PTRH1: variants seen among roughly 807,000 people sequenced by gnomAD.
PTRH1 encodes the protein peptidyl-tRNA hydrolase.
In PTRH1, 13 loss-of-function variants were observed where a neutral mutation model predicts 15.7. The observed-to-expected ratio is 0.83, with a 90% CI of 0.54 to 1.31. The LOEUF (loss-of-function observed/expected upper bound fraction) is 1.31, where lower values mean the gene tolerates loss of function less well. Ranked by LOEUF, PTRH1 falls within the 40% of genes most tolerant of loss-of-function variation. The probability of loss-of-function intolerance (pLI) is 0.00; values close to 1 mark genes in which losing one functional copy is unlikely to be tolerated. For synonymous variants in PTRH1, 139 were observed against 136.7 expected (o/e 1.02, Z -0.12); for missense variants, 319 against 296.2 (o/e 1.08, Z -0.56).
In PTRH1 at chr9:127,707,134, A is replaced by G. The variant is rs1178511599; in HGVS notation, c.205+8301T>C. On this transcript the variant is annotated intron_variant, in intron 1 of 2. Coordinates refer to the PTRH1 transcript ENST00000335223. Reference sequence around the variant, plus strand: ...GGTGGCCGTGGAGCCGCCTCTGGCCAAGGAGATGAAGGAGTTCTACCACAT... The same window carrying G: ...GGTGGCCGTGGAGCCGCCTCTGGCCGAGGAGATGAAGGAGTTCTACCACAT... 9 of 1,613,662 alleles carry G rather than the reference A, an allele frequency of 5.6e-6. No individual in the cohort carries two copies. In the Admixed American group the frequency reaches 1.5e-4, roughly 27 times the overall value.
intron 1 of PTRH1, among the ~76,000 whole-genome samples, chr9:127,696,401 C>T (rs941236362): frequency 2.6e-5 from 4 of 152,212 alleles, no homozygotes; most frequent in African/African-American, 9.6e-5. Flanking sequence ...CTTGCTGAAT[C>T]TTCTCAACAA....
rs1214988748 is a variant in PTRH1 at position 127,715,142 on chromosome 9, A to G, written c.149T>C (p.Met50Thr). The change falls in exon 2 of 5, where the codon ATG (methionine) becomes ACG (threonine). Residue 50 changes from methionine (M) to threonine (T), a missense_variant. By Grantham distance (81) the Met-to-Thr change is moderately conservative. Transcript: ENST00000543175. This position sits in a 1 kb window ranked among gnomAD's most constrained non-coding sequence, Gnocchi z 5.8. ...CCGCGCCAGCTGCCCCAGCACCGCC[A>G]TGCCCACGCTGTGTCGCGTGCCGGG... ...GLPGTRHSVG[M>T]AVLGQLARRL... 1 of 1,537,712 alleles carries G rather than the reference A, an allele frequency of 6.5e-7. No individual in the cohort carries two copies. Among genetic ancestry groups the G allele is most frequent in the Admixed American group, 1.9e-5 (1 of 51,798 alleles).
Position 127,715,480 on chromosome 9 carries a change from G to A in PTRH1, c.96+64C>T. ...CAATTTGGGGGCACTCGGCTCCCGG[G>A]ACATAATGGCCGAACTGAAGCTAGG... On this transcript the variant is annotated intron_variant, in intron 1 of 4. Transcript: ENST00000543175. This position sits in a 1 kb window ranked among gnomAD's most constrained non-coding sequence, Gnocchi z 5.8. 1.9e-6 allele frequency: 3 copies of A among 1,607,354 alleles called. No individual in the cohort carries two copies. The highest frequency in any genetic ancestry group is 2.6e-6 in the Non-Finnish European group (3 of 1,176,126).
At chr9:127,710,741 C>G, downstream of PTRH1, 1 of 1,566,518 alleles carries the variant, frequency 6.4e-7, no homozygotes, top group Non-Finnish European at 8.7e-7. Flanking sequence ...GAAGTCGGTG[C>G]TGGACAAGGA....
rs370600743 is a variant in PTRH1, at chr9:127,707,738, C to T, written c.205+7697G>A. Reference sequence around the variant, plus strand: ...TGTGACATAGTGCTGGGGGGAGATCCTCTAACTCTTCATTCAGAGCCATGT... The same window carrying T: ...TGTGACATAGTGCTGGGGGGAGATCTTCTAACTCTTCATTCAGAGCCATGT... On this transcript the variant is annotated intron_variant, in intron 1 of 2. Transcript: ENST00000335223. Among the ~76,000 whole-genome samples the T allele has an allele frequency of 1.6e-4, 25 of 152,194 alleles. No homozygotes were observed. The East Asian group carries it at 1.7e-3, about 11-fold the overall frequency.
At chr9:127,707,649 A>G (rs193046255) in intron 1 of PTRH1, among the ~76,000 whole-genome samples, 12 of 152,254 alleles carry the variant, frequency 7.9e-5, no homozygotes, top group African/African-American at 2.6e-4. Flanking sequence ...TTCCCCAAAT[A>G]TAAGTGGGGA....
At chr9:127,714,775 G>T in intron 2 of PTRH1, 73 bp from the exon 3 acceptor site, 1 of 1,301,718 alleles carries the variant, frequency 7.7e-7, no homozygotes, top group Non-Finnish European at 1.1e-6. Context: ...CTCCCATGAT[G>T]AGGGACCACA....
At chr9:127,699,517 A>G (rs1324546227) in intron 1 of PTRH1, among the ~76,000 whole-genome samples, 2 of 151,960 alleles carry the variant, frequency 1.3e-5, no homozygotes, top group African/African-American at 4.8e-5. Flanking sequence ...CTGGAGTAAG[A>G]CGGTTGCTGA....
chr9:127,699,436 C>A (rs1842587514), intron 1 of PTRH1, among the ~76,000 whole-genome samples: 1 of 152,212 alleles, frequency 6.6e-6, no homozygotes. Flanking sequence ...GCCGGGCTTC[C>A]GGGGCTAGTA....
downstream of PTRH1, chr9:127,711,422 A>G: frequency 6.2e-7 from 1 of 1,614,164 alleles, no homozygotes; most frequent in Non-Finnish European, 8.5e-7. Context: ...AAGACAGAAC[A>G]ATCTGTGCAA....
rs749869899 is a variant in PTRH1, at chr9:127,714,612, C to A, written c.407G>T (p.Gly136Val). ...PLGRLALKLG[G>V]SARGHNGVRS... ...CATCTCAGGACCTCACCTGGCACTG[C>A]CCCCCAGCTTCAGAGCCAGTCTCCC... Residue 136 changes from glycine to valine, a missense_variant, in exon 3 of 5, where the codon GGC (glycine) becomes GTC (valine). Physicochemically the swap from Gly to Val is moderately radical, Grantham distance 109. Transcript: ENST00000543175. 1.3e-5 allele frequency: 21 copies of A among 1,612,990 alleles called. No homozygotes were observed. Among genetic ancestry groups the A allele is most frequent in the Non-Finnish European group, 1.8e-5 (21 of 1,179,122 alleles).
chr9:127,714,409 G>A lies in PTRH1; in HGVS notation c.432C>T (p.Val144=). The change falls in exon 4 of 5, where the codon GTC becomes GTT. Residue 144 remains valine (V), a synonymous_variant. Coordinates refer to ENST00000543175, the MANE Select transcript of PTRH1 (RefSeq NM_001002913.3). ...AGTTGAGGCAGCTAATGCAGGAACG[G>A]ACTCCATTGTGGCCCCTTCAAGGGA... ...LGGSARGHNG[V]RSCISCLNSN... 6.2e-7 allele frequency: 1 copy of A among 1,614,210 alleles called. No homozygotes were observed. The highest frequency in any genetic ancestry group is 8.5e-7 in the Non-Finnish European group (1 of 1,180,032).
At chr9:127,709,535 A>G (rs759451318), downstream of PTRH1, 48 of 1,614,024 alleles carry the variant, frequency 3.0e-5, no homozygotes, top group Non-Finnish European at 3.9e-5. This position sits in a 1 kb window ranked among gnomAD's most constrained non-coding sequence, Gnocchi z 4.7. Flanking sequence ...CGCACGCTCA[A>G]CCAGCAGGTG....
chr9:127,701,186 C>A (rs1433330535), intron 1 of PTRH1, among the ~76,000 whole-genome samples: 8 of 152,196 alleles, frequency 5.3e-5, no homozygotes, highest in African/African-American at 1.7e-4. Context: ...TGGCTGGAGG[C>A]ACGCTTCCTA....
chr9:127,711,037 A>G (rs1389849325), downstream of PTRH1, among the ~76,000 whole-genome samples: 1 of 152,180 alleles, frequency 6.6e-6, no homozygotes. Flanking sequence ...GTGGGAGTAC[A>G]TTGAAATGGT....
At chr9:127,707,301 C>A in intron 1 of PTRH1, 3 of 1,189,210 alleles carry the variant, frequency 2.5e-6, no homozygotes, top group African/African-American at 1.5e-5. Context: ...TCTGACCTCC[C>A]CTGGGATGTC....
At chr9:127,714,912 GCCCCCGC>G in intron 2 of PTRH1, 56 bp downstream of exon 2, 34 of 766,436 alleles carry the variant, frequency 4.4e-5, no homozygotes, top group East Asian at 1.1e-4. Flanking sequence ...CTCCCCTCTG[GCCCCCGC>G]GCCCCAACCC....
At chr9:127,699,788 A>G (rs1365236038) in intron 1 of PTRH1, among the ~76,000 whole-genome samples, 1 of 152,064 alleles carries the variant, frequency 6.6e-6, no homozygotes, top group African/African-American at 2.4e-5. Context: ...GAGAACAGGC[A>G]CTTTTAATTC....
At chr9:127,698,905 CTTTTT>C (rs143136665) in intron 1 of PTRH1, among the ~76,000 whole-genome samples, 12 of 136,860 alleles carry the variant, frequency 8.8e-5, no homozygotes, top group Admixed American at 3.0e-4. Flanking sequence ...ACAAGACCAA[CTTTTT>C]TTTTTTTTTT....
Sources: gnomAD v4.1 joint callset for allele counts (sites outside exome capture counted in the v4.1 genomes callset) on GRCh38, gnomAD v4.1.1 for gene constraint, Gnocchi (gnomAD v3.1) non-coding constraint, MANE v1.5 for transcripts, NCBI Gene and HGNC (gene_info 2026-07-23, HGNC 2026-07-21) for gene names.